Variants in PDE7A observed in about 807,000 individuals in gnomAD.
PDE7A encodes the protein phosphodiesterase 7A, also known as high affinity 3',5'-cyclic-AMP phosphodiesterase 7A.
A neutral mutation model predicts 64.3 loss-of-function variants in PDE7A; 39 were observed. That is an observed-to-expected ratio of 0.61 (90% CI 0.47 to 0.79). The LOEUF (loss-of-function observed/expected upper bound fraction) is 0.79. Among genes scored for constraint, PDE7A ranks in the 30% least tolerant of loss-of-function variants. The probability of loss-of-function intolerance (pLI) is 0.00; values close to 1 mark genes in which losing one functional copy is unlikely to be tolerated. For missense variants in PDE7A, 470 were observed against 582.8 expected (o/e 0.81, Z 1.99); for synonymous variants, 203 against 206.8 (o/e 0.98, Z 0.16).
intron 6 of PDE7A, among the ~76,000 whole-genome samples, chr8:65,736,788 C>G (rs1274383673): frequency 9.3e-5 from 9 of 97,110 alleles, no homozygotes; most frequent in African/African-American, 1.4e-4. Context: ...ATAAATTTAT[C>G]TGTTTTTTTT....
intron 2 of PDE7A, among the ~76,000 whole-genome samples, chr8:65,781,308 G>A (rs79314540): frequency 0.046 from 7,036 of 152,034 alleles, 463 homozygotes; most frequent in African/African-American, 0.14. Flanking sequence ...AGAGGCTGGC[G>A]TGGCAGGAGC....
At chr8:65,824,564 C>G (rs1810621784) in intron 1 of PDE7A, among the ~76,000 whole-genome samples, 1 of 152,154 alleles carries the variant, frequency 6.6e-6, no homozygotes, top group African/African-American at 2.4e-5. Context: ...CAGCAAATGT[C>G]ATTGTTATCC....
intron 1 of PDE7A, among the ~76,000 whole-genome samples, chr8:65,814,175 CATTT>C (rs1810323773): frequency 6.6e-6 from 1 of 151,984 alleles, no homozygotes; most frequent in Non-Finnish European, 1.5e-5. Context: ...GTGCAAGATA[CATTT>C]ATTTATAGAA....
At chr8:65,813,250 A>G (rs1810299666) in intron 1 of PDE7A, among the ~76,000 whole-genome samples, 1 of 152,238 alleles carries the variant, frequency 6.6e-6, no homozygotes, top group Admixed American at 6.5e-5. Context: ...TGTCACAGAT[A>G]TATTAGCATA....
chr8:65,755,149 T>G (rs1032889422), intron 3 of PDE7A, among the ~76,000 whole-genome samples: 1 of 150,624 alleles, frequency 6.6e-6, no homozygotes, highest in African/African-American at 2.4e-5. Context: ...GCCTCCCAAG[T>G]AGCTGGGACT....
At chr8:65,788,091 G>C (rs1247140414) in intron 1 of PDE7A, among the ~76,000 whole-genome samples, 1 of 152,074 alleles carries the variant, frequency 6.6e-6, no homozygotes, top group Non-Finnish European at 1.5e-5. Context: ...AATCTTGCTT[G>C]AGAAAGAAAA....
chr8:65,830,455 T>C (rs1810789894), intron 1 of PDE7A, among the ~76,000 whole-genome samples: 1 of 152,052 alleles, frequency 6.6e-6, no homozygotes, highest in South Asian at 2.1e-4. Context: ...ATCTACTAAA[T>C]TCGTAAGTGA....
At chr8:65,841,277 C>A in intron 1 of PDE7A, 94 bp downstream of exon 1, 1 of 1,310,340 alleles carries the variant, frequency 7.6e-7, no homozygotes, top group Non-Finnish European at 1.0e-6. Context: ...ATGGACAATG[C>A]GCGGGCTGGG....
intron 3 of PDE7A, among the ~76,000 whole-genome samples, chr8:65,769,353 A>G (rs959587924): frequency 2.6e-5 from 4 of 152,184 alleles, no homozygotes; most frequent in Non-Finnish European, 5.9e-5. Flanking sequence ...GACTTAACTT[A>G]AAAATTACAG....
chr8:65,783,598 G>A (rs1387924373), intron 1 of PDE7A, among the ~76,000 whole-genome samples: 1 of 152,082 alleles, frequency 6.6e-6, no homozygotes, highest in Admixed American at 6.6e-5. Flanking sequence ...CCCTTCCACA[G>A]CTCCCTACCT....
intron 7 of PDE7A, 80 bp from the exon 8 acceptor site, chr8:65,727,381 A>G: frequency 6.4e-7 from 1 of 1,562,780 alleles, no homozygotes; most frequent in Non-Finnish European, 8.7e-7. Context: ...TTGAATTAGC[A>G]GCCAATGGTA....
chr8:65,726,760 A>G (rs903877431), intron 9 of PDE7A, 115 bp downstream of exon 9: 29 of 578,052 alleles, frequency 5.0e-5, no homozygotes, highest in Non-Finnish European at 8.2e-5. Context: ...AATTTGACAA[A>G]CACTGAAAAC....
At chr8:65,808,562 C>G (rs1215484644) in intron 1 of PDE7A, among the ~76,000 whole-genome samples, 1 of 152,060 alleles carries the variant, frequency 6.6e-6, no homozygotes, top group Non-Finnish European at 1.5e-5. Context: ...TCGAGCTAAA[C>G]ACCAATGTGT....
intron 1 of PDE7A, among the ~76,000 whole-genome samples, chr8:65,808,360 A>G (rs983871418): frequency 6.6e-6 from 1 of 152,224 alleles, no homozygotes. Flanking sequence ...TTACCAACAA[A>G]ATACTGTATA....
At chr8:65,737,467 G>C (rs1465524394) in intron 6 of PDE7A, among the ~76,000 whole-genome samples, 1 of 152,118 alleles carries the variant, frequency 6.6e-6, no homozygotes, top group Non-Finnish European at 1.5e-5. Context: ...TGTTTACCTA[G>C]ATAAAGCAGT....
At chr8:65,804,660 C>T (rs1810072383) in intron 1 of PDE7A, among the ~76,000 whole-genome samples, 1 of 151,706 alleles carries the variant, frequency 6.6e-6, no homozygotes, top group South Asian at 2.1e-4. Flanking sequence ...GCCTCAGCCT[C>T]CCAAGTAGCC....
chr8:65,833,258 G>T (rs892895713), intron 1 of PDE7A, among the ~76,000 whole-genome samples: 1 of 152,216 alleles, frequency 6.6e-6, no homozygotes, highest in East Asian at 1.9e-4. Flanking sequence ...CAGAGAAGTG[G>T]TTTCAAATCA....
chr8:65,739,481 T>C, intron 6 of PDE7A, 21 bp downstream of exon 6: 2 of 1,535,130 alleles, frequency 1.3e-6, no homozygotes, highest in Non-Finnish European at 1.7e-6. Context: ...TTGTTACTGT[T>C]AATGGGTTAG....
chr8:65,724,604 A>G (rs1352990394), intron 10 of PDE7A, among the ~76,000 whole-genome samples, 173 bp downstream of exon 10: 1 of 152,192 alleles, frequency 6.6e-6, no homozygotes, highest in Non-Finnish European at 1.5e-5. Context: ...CTTCCTAGGT[A>G]GCAGATTCAC....
Sources: allele counts gnomAD v4.1 joint callset (sites outside exome capture counted in the v4.1 genomes callset), GRCh38; gene constraint gnomAD v4.1.1; transcripts MANE v1.5; gene names NCBI Gene and HGNC (gene_info 2026-07-23, HGNC 2026-07-21).